The following TSBP1 variants were observed in gnomAD, a reference collection of about 807,000 sequenced individuals.
TSBP1 encodes the protein testis-expressed basic protein 1.
In TSBP1, 56 loss-of-function variants were observed where a neutral mutation model predicts 68.8. The observed-to-expected ratio is 0.81, with a 90% CI of 0.66 to 1.02. TSBP1 has a LOEUF of 1.02. TSBP1 is among the 50% of genes least tolerant of loss of function. The pLI, the probability that TSBP1 is intolerant of heterozygous loss-of-function variation, is 0.00. For missense variants in TSBP1, 502 were observed against 641.2 expected (o/e 0.78, Z 2.34); for synonymous variants, 171 against 208.7 (o/e 0.82, Z 1.56).
At chr6:32,356,515 T>A (rs1772349750) in intron 6 of TSBP1, among the ~76,000 whole-genome samples, 1 of 151,974 alleles carries the variant, frequency 6.6e-6, no homozygotes, top group Non-Finnish European at 1.5e-5. Context: ...AGGTCAGGAG[T>A]TCGAGACCAG....
In TSBP1 at chr6:32,302,927, C is replaced by A. The variant is rs756667139; in HGVS notation, c.581-298G>T. ...TAGCGGGACCCTTTTAAAGTGTCAG[C>A]AAGACTCCTGCTTAAGAGCCACCAA... On this transcript the variant is annotated intron_variant, in intron 19 of 22. Transcript: ENST00000612031. This position sits in a 1 kb window ranked among gnomAD's most constrained non-coding sequence, Gnocchi z 5.1. Among the ~76,000 whole-genome samples, 28 of 152,176 alleles carry A rather than the reference C, an allele frequency of 1.8e-4. No individual in the cohort carries two copies. Among genetic ancestry groups the A allele is most frequent in the Non-Finnish European group, 1.6e-4 (11 of 68,026 alleles).
intron 19 of TSBP1, among the ~76,000 whole-genome samples, chr6:32,312,269 T>C (rs1025352317): frequency 2.6e-5 from 4 of 152,096 alleles, no homozygotes; most frequent in East Asian, 3.8e-4. Flanking sequence ...AGGAAGGAGA[T>C]TGCATGCCCC....
intron 8 of TSBP1, among the ~76,000 whole-genome samples, chr6:32,352,721 A>G (rs1163618299): frequency 6.6e-6 from 1 of 151,956 alleles, no homozygotes; most frequent in African/African-American, 2.4e-5. Context: ...GATGAAAAAT[A>G]GGCAAATACT....
rs6909607 is a variant in TSBP1, at chr6:32,335,895, T to A, written c.451+17A>T. The A allele has an allele frequency of 0.11, 181,678 of 1,596,382 alleles. 13,735 individuals carry two copies. The highest frequency in any genetic ancestry group is 0.28 in the Middle Eastern group (1,688 of 6,022). On this transcript the variant is annotated intron_variant, in intron 13 of 22. Transcript: ENST00000612031. This position sits in a 1 kb window ranked among gnomAD's most constrained non-coding sequence, Gnocchi z 5.5. ...AAAGTAAAATGCTCACTGTGGAGAA[T>A]CAGAGAGCAAACTTACTGATAGGTC...
chr6:32,293,525 A>G (rs948268069), exon 23 of TSBP1: 2 of 1,610,962 alleles, frequency 1.2e-6, no homozygotes, highest in African/African-American at 1.3e-5. Flanking sequence ...ACTCTTCTTT[A>G]CTTGGGATTC....
At chr6:32,326,073 TG>T (rs1172172379) in intron 16 of TSBP1, 11 of 1,429,420 alleles carry the variant, frequency 7.7e-6, no homozygotes, top group Non-Finnish European at 9.7e-6. Context: ...GCAGAAGCTG[TG>T]GCCTCTATGG....
intron 19 of TSBP1, among the ~76,000 whole-genome samples, chr6:32,312,842 C>G (rs1331805000): frequency 6.7e-6 from 1 of 149,124 alleles, no homozygotes; most frequent in Non-Finnish European, 1.5e-5. Context: ...TCACTCTTCT[C>G]ATTGCCACAC....
chr6:32,342,460 C>G (rs1014655282), intron 9 of TSBP1, among the ~76,000 whole-genome samples: 3 of 152,260 alleles, frequency 2.0e-5, no homozygotes, highest in Non-Finnish European at 4.4e-5. Context: ...AGCCTCTTCT[C>G]TGTTCTTTTA....
At chr6:32,329,204 T>A (rs1768632306) in intron 16 of TSBP1, among the ~76,000 whole-genome samples, 1 of 151,586 alleles carries the variant, frequency 6.6e-6, no homozygotes, top group African/African-American at 2.4e-5. Context: ...ATCATATTTT[T>A]AAATTGTTTA....
chr6:32,364,823 T>C (rs1407345833), intron 6 of TSBP1, among the ~76,000 whole-genome samples: 1 of 152,180 alleles, frequency 6.6e-6, no homozygotes, highest in African/African-American at 2.4e-5. Flanking sequence ...GACCTTGAAG[T>C]CTTGTCTTGT....
intron 18 of TSBP1, among the ~76,000 whole-genome samples, chr6:32,317,522 A>G (rs1767094931): frequency 1.3e-5 from 2 of 152,220 alleles, no homozygotes; most frequent in Admixed American, 6.5e-5. Flanking sequence ...TAAATAGGCA[A>G]CCTACAGAAT....
intron 1 of TSBP1, among the ~76,000 whole-genome samples, chr6:32,370,425 A>ATATATG (rs1408286235): frequency 2.1e-5 from 3 of 144,776 alleles, no homozygotes; most frequent in Non-Finnish European, 3.0e-5. Flanking sequence ...ATATATATAT[A>ATATATG]TATATATATA....
At chr6:32,342,756 G>T (rs1375783808) in intron 9 of TSBP1, among the ~76,000 whole-genome samples, 1 of 152,256 alleles carries the variant, frequency 6.6e-6, no homozygotes, top group South Asian at 2.1e-4. Flanking sequence ...GATACGAAGT[G>T]AGCAATAACT....
At chr6:32,350,019 T>G (rs960167927) in intron 8 of TSBP1, 2 of 693,584 alleles carry the variant, frequency 2.9e-6, no homozygotes, top group Non-Finnish European at 5.3e-6. Context: ...AAAATATTTT[T>G]GGAGATTGCT....
At chr6:32,323,391 AAT>A in intron 17 of TSBP1, 198 bp downstream of exon 18, 3 of 717,224 alleles carry the variant, frequency 4.2e-6, no homozygotes, top group South Asian at 3.0e-5. Flanking sequence ...ATACAAAGTA[AAT>A]ATATGTTTGA....
At chr6:32,366,030 A>G (rs920550181) in intron 6 of TSBP1, 137 bp downstream of exon 6, 2 of 1,328,874 alleles carry the variant, frequency 1.5e-6, no homozygotes, top group African/African-American at 2.9e-5. Context: ...ATTTGTGAAC[A>G]TTTCTCAGAA....
intron 6 of TSBP1, among the ~76,000 whole-genome samples, chr6:32,363,234 C>G (rs183399345): frequency 6.6e-6 from 1 of 151,912 alleles, no homozygotes; most frequent in Non-Finnish European, 1.5e-5. Context: ...TCTTTTCATC[C>G]CTTTACTTTC....
intron 16 of TSBP1, among the ~76,000 whole-genome samples, 171 bp downstream of exon 17, chr6:32,330,418 A>G (rs1768839241): frequency 6.6e-6 from 1 of 152,084 alleles, no homozygotes; most frequent in South Asian, 2.1e-4. Flanking sequence ...TAAAAAAAAT[A>G]GCCCTGGAGA....
Position 32,335,892 on chromosome 6 carries a change from G to C in TSBP1, c.451+20C>G, listed in dbSNP as rs1166671547. The C allele has an allele frequency of 1.3e-6, 2 of 1,591,794 alleles. No homozygotes were observed. The highest frequency in any genetic ancestry group is 1.7e-6 in the Non-Finnish European group (2 of 1,161,250). ...AGGAAAGTAAAATGCTCACTGTGGA[G>C]AATCAGAGAGCAAACTTACTGATAG... On this transcript the variant is annotated intron_variant, in intron 13 of 22. Transcript: ENST00000612031. The surrounding 1 kb of genome is among the most constrained non-coding windows in gnomAD (Gnocchi z 5.5).
Sources: allele counts gnomAD v4.1 joint callset (sites outside exome capture counted in the v4.1 genomes callset), GRCh38; gene constraint gnomAD v4.1.1; non-coding constraint Gnocchi (gnomAD v3.1); transcripts MANE v1.5; gene names NCBI Gene and HGNC (gene_info 2026-07-23, HGNC 2026-07-21).